The following CFAP20DC variants were observed in gnomAD, a reference collection of about 807,000 sequenced individuals.
CFAP20DC encodes CFAP20 domain containing, also known as protein CFAP20DC.
In CFAP20DC, 84 loss-of-function variants were observed where a neutral mutation model predicts 101.7. That is an observed-to-expected ratio of 0.83 (90% CI 0.69 to 0.99). CFAP20DC has a LOEUF of 0.99. Ranked by LOEUF, CFAP20DC falls within the 50% of genes least tolerant of loss-of-function variation. CFAP20DC has a pLI of 0.00. For synonymous variants in CFAP20DC, 359 were observed against 351.2 expected (o/e 1.02, Z -0.25); for missense variants, 1,007 against 970.3 (o/e 1.04, Z -0.50).
chr3:58,982,185 A>C (rs1285693759), intron 4 of CFAP20DC, among the ~76,000 whole-genome samples: 1 of 152,194 alleles, frequency 6.6e-6, no homozygotes, highest in African/African-American at 2.4e-5. Flanking sequence ...TTAGAATGGC[A>C]ATCATTAAAA....
intron 4 of CFAP20DC, among the ~76,000 whole-genome samples, chr3:59,008,873 TA>T (rs991879785): frequency 1.0e-4 from 15 of 150,648 alleles, no homozygotes; most frequent in South Asian, 2.1e-4. Flanking sequence ...TAATAAAATT[TA>T]AAAAAAAAGT....
chr3:58,780,544 A>G (rs541324736), intron 15 of CFAP20DC, among the ~76,000 whole-genome samples: 57 of 152,044 alleles, frequency 3.7e-4, no homozygotes, highest in Non-Finnish European at 7.8e-4. Context: ...GCCTACAAGA[A>G]TCTCATCTTA....
Position 58,721,836 on chromosome 3 carries a change from G to A in CFAP20DC, c.198-4208C>T, listed in dbSNP as rs2067477577. 6.6e-6 allele frequency among the ~76,000 whole-genome samples: 1 copy of A among 152,218 alleles called. No individual in the cohort carries two copies. The highest frequency in any genetic ancestry group is 2.4e-5 in the African/African-American group (1 of 41,448). On this transcript the variant is annotated intron_variant, in intron 3 of 3. Transcript: ENST00000486145. This position sits in a 1 kb window ranked among gnomAD's most constrained non-coding sequence, Gnocchi z 5.2. ...CAGGAATCCAAAGTGGAGACCACCA[G>A]GCTCTGGTCATGTTGGGGTTGATTT...
rs772844262 is a variant in CFAP20DC at position 58,897,140 on chromosome 3, CTTCT to C, written c.551-12435_551-12432del. ...GAACCCTTTACCACTACATAATGCC[CTTCT>C]TTGTCTTTTTTGATATTTGTTGGTT... On this transcript the variant is annotated intron_variant, in intron 6 of 16. Coordinates refer to ENST00000482387, the MANE Select transcript of CFAP20DC (RefSeq NM_001394063.1). The surrounding 1 kb of genome is among the most constrained non-coding windows in gnomAD (Gnocchi z 4.4). Among the ~76,000 whole-genome samples the C allele has an allele frequency of 7.9e-5, 12 of 152,106 alleles. No individual in the cohort carries two copies. Among genetic ancestry groups the C allele is most frequent in the Admixed American group, 2.0e-4 (3 of 15,272 alleles).
intron 7 of CFAP20DC, among the ~76,000 whole-genome samples, chr3:58,875,904 G>A (rs1368543389): frequency 6.6e-6 from 1 of 152,026 alleles, no homozygotes; most frequent in Non-Finnish European, 1.5e-5. Context: ...TTTCTTAGAG[G>A]AATCTCTTGC....
At chr3:58,937,874 G>A (rs757371530) in intron 4 of CFAP20DC, 112 bp from the exon 5 acceptor site, 4 of 660,820 alleles carry the variant, frequency 6.1e-6, no homozygotes, top group Non-Finnish European at 1.0e-5. Context: ...TCAACAGGAA[G>A]ATCAAACACA....
intron 4 of CFAP20DC, among the ~76,000 whole-genome samples, chr3:58,948,770 C>A (rs2089697969): frequency 6.6e-6 from 1 of 152,118 alleles, no homozygotes; most frequent in Admixed American, 6.6e-5. Flanking sequence ...TGTGTCTCTG[C>A]CCAGCTTTGG....
At chr3:58,941,471 G>A (rs1304384795) in intron 4 of CFAP20DC, among the ~76,000 whole-genome samples, 1 of 150,202 alleles carries the variant, frequency 6.7e-6, no homozygotes, top group Non-Finnish European at 1.5e-5. Flanking sequence ...TCCAGTAGTT[G>A]TTTTGTAGAT....
Position 58,729,420 on chromosome 3 carries a change from G to A in CFAP20DC, c.198-11792C>T, listed in dbSNP as rs2067602823. On this transcript the variant is annotated intron_variant, in intron 3 of 3. Transcript: ENST00000486145. This position sits in a 1 kb window ranked among gnomAD's most constrained non-coding sequence, Gnocchi z 4.4. ...GTGTCTTGTATACAGTAAAACAATT[G>A]ATTTTTATATAATGACTTTTATCCA... 6.6e-6 allele frequency among the ~76,000 whole-genome samples: 1 copy of A among 150,654 alleles called. No homozygotes were observed.
At chr3:58,871,021 G>A (rs1345236069) in intron 7 of CFAP20DC, among the ~76,000 whole-genome samples, 2 of 149,830 alleles carry the variant, frequency 1.3e-5, no homozygotes, top group Non-Finnish European at 2.9e-5. Flanking sequence ...ATATTTAACT[G>A]AGTACTCTCT....
At chr3:58,748,439 A>G (rs1378460847) in intron 16 of CFAP20DC, among the ~76,000 whole-genome samples, 22 of 152,070 alleles carry the variant, frequency 1.4e-4, no homozygotes, top group Admixed American at 1.4e-3. Context: ...TCTACTGGAG[A>G]GTTCACTTCT....
rs1383277012 is a variant in CFAP20DC at position 58,863,304 on chromosome 3, T to A, written c.1593+254A>T. 4.3e-6 allele frequency: 6 copies of A among 1,409,106 alleles called. No individual in the cohort carries two copies. Among genetic ancestry groups the A allele is most frequent in the East Asian group, 5.1e-5 (2 of 39,028 alleles). The allele number at this position is 1,409,106 out of a possible 1,614,324, so 87.3% of individuals were successfully genotyped here. ...TCATCCTGTGATTCAAAGATTAAAA[T>A]GAAAAAACAGAAAGAAACCCAAAAC... On this transcript the variant is annotated intron_variant, in intron 12 of 16. Transcript: ENST00000482387. The surrounding 1 kb of genome is among the most constrained non-coding windows in gnomAD (Gnocchi z 5.9).
At chr3:58,907,741 G>A (rs934292671) in intron 6 of CFAP20DC, among the ~76,000 whole-genome samples, 2 of 152,174 alleles carry the variant, frequency 1.3e-5, no homozygotes, top group African/African-American at 4.8e-5. Context: ...TATGATAATA[G>A]CATTTTACCT....
At chr3:58,806,537 T>A in intron 14 of CFAP20DC, 81 bp from the exon 15 acceptor site, 1 of 1,024,518 alleles carries the variant, frequency 9.8e-7, no homozygotes, top group Non-Finnish European at 1.5e-6. Flanking sequence ...CTCATTACTG[T>A]AACTGTTTCC....
intron 4 of CFAP20DC, among the ~76,000 whole-genome samples, chr3:59,012,515 G>A (rs1245538298): frequency 6.6e-6 from 1 of 152,198 alleles, no homozygotes; most frequent in Non-Finnish European, 1.5e-5. Context: ...GAGGAAATAT[G>A]CTGAGAGAAA....
At chr3:58,932,455 C>G (rs2086845656) in intron 5 of CFAP20DC, among the ~76,000 whole-genome samples, 1 of 151,922 alleles carries the variant, frequency 6.6e-6, no homozygotes, top group African/African-American at 2.4e-5. Flanking sequence ...AAGAGCAACT[C>G]CAAGACACAT....
chr3:58,822,263 T>C (rs1183050234), intron 14 of CFAP20DC, among the ~76,000 whole-genome samples: 3 of 147,642 alleles, frequency 2.0e-5, no homozygotes, highest in African/African-American at 7.6e-5. Context: ...ACCTGCACAA[T>C]GTGCACATGT....
At chr3:59,004,921 C>G (rs2093401029) in intron 4 of CFAP20DC, among the ~76,000 whole-genome samples, 1 of 152,170 alleles carries the variant, frequency 6.6e-6, no homozygotes, top group South Asian at 2.1e-4. Context: ...CAATGAGATT[C>G]CTAACTACCT....
chr3:58,868,050 T>A lies in CFAP20DC; in HGVS notation c.1016-114A>T. On this transcript the variant is annotated intron_variant, in intron 9 of 16. Transcript: ENST00000482387. This position sits in a 1 kb window ranked among gnomAD's most constrained non-coding sequence, Gnocchi z 4.6. ...AGAATATTCATGTATAATTTTGACA[T>A]AATGTGAAGATACATCAAAAATACA... is the stretch of plus-strand genomic sequence containing the variant. The A allele has an allele frequency of 8.3e-7, 1 of 1,211,574 alleles. No homozygotes were observed. The highest frequency in any genetic ancestry group is 1.1e-6 in the Non-Finnish European group (1 of 899,472). 75.1% of individuals were successfully genotyped at this position (1,211,574 alleles called of 1,614,324 possible). A position where few individuals can be genotyped will look rare whatever the true frequency, so the allele number is the denominator to read the frequency against.
Sources: gnomAD v4.1 joint callset for allele counts (sites outside exome capture counted in the v4.1 genomes callset) on GRCh38, gnomAD v4.1.1 for gene constraint, Gnocchi (gnomAD v3.1) non-coding constraint, MANE v1.5 for transcripts, NCBI Gene and HGNC (gene_info 2026-07-23, HGNC 2026-07-21) for gene names.